P2RY14: variants seen among roughly 807,000 people sequenced by gnomAD.
The protein encoded by P2RY14 is purinergic receptor P2Y14.
In P2RY14, 2 loss-of-function variants were observed where a neutral mutation model predicts 0.9. The ratio of observed to expected loss-of-function variants is 2.16; its 90% confidence interval spans 0.88 to 6.79. The LOEUF (loss-of-function observed/expected upper bound fraction) is 6.79, where lower values mean the gene tolerates loss of function less well. Ranked by LOEUF, P2RY14 falls within the 30% of genes most tolerant of loss-of-function variation. The pLI is 0.05. For missense variants in P2RY14, 378 were observed against 400.1 expected (o/e 0.94, Z 0.47); for synonymous variants, 158 against 147.2 (o/e 1.07, Z -0.53).
At chr3:151,271,370 GAAAT>G (rs1740912941) in intron 1 of P2RY14, among the ~76,000 whole-genome samples, 1 of 152,176 alleles carries the variant, frequency 6.6e-6, no homozygotes, top group African/African-American at 2.4e-5. Context: ...AATTGACGAG[GAAAT>G]AGAATAATTG....
intron 1 of P2RY14, among the ~76,000 whole-genome samples, chr3:151,252,316 G>A (rs2141631): frequency 0.88 from 134,540 of 152,234 alleles, 59,625 homozygotes; most frequent in African/African-American, 0.96. Flanking sequence ...CCATTATTGG[G>A]ACACTAAGCT....
chr3:151,270,315 G>A (rs1314620756), intron 1 of P2RY14, among the ~76,000 whole-genome samples: 1 of 150,880 alleles, frequency 6.6e-6, no homozygotes, highest in East Asian at 2.0e-4. Context: ...CTTATTTGGG[G>A]GGAAAATAAC....
chr3:151,261,850 G>A (rs1357372996), intron 1 of P2RY14, among the ~76,000 whole-genome samples: 12 of 152,054 alleles, frequency 7.9e-5, no homozygotes, highest in Middle Eastern at 3.4e-3. Flanking sequence ...TCAGCCTCCC[G>A]AGTAGCTGGG....
At position 151,214,187 on chromosome 3, in the gene P2RY14, C is replaced by G; in HGVS notation, c.130G>C (p.Gly44Arg). The G allele has an allele frequency of 6.2e-7, 1 of 1,614,110 alleles. No homozygotes were observed. Among genetic ancestry groups the G allele is most frequent in the Non-Finnish European group, 8.5e-7 (1 of 1,179,976 alleles). ...CTGGGCACGTAAAAGAATATCCATC[C>G]TGACACTCCATTGAGTAGGATTCCT... ...IAGILLNGVS[G>R]WIFFYVPSSK... Residue 44 changes from glycine to arginine, a missense_variant, in exon 3 of 3, where the codon GGA (glycine) becomes CGA (arginine). By Grantham distance (125) the Gly-to-Arg change is moderately radical. Coordinates refer to ENST00000309170, the MANE Select transcript of P2RY14 (RefSeq NM_014879.4).
In P2RY14 at chr3:151,213,274, G is replaced by C. The variant is rs761607568; in HGVS notation, c.*26C>G. 4 of 1,538,294 alleles carry C rather than the reference G, an allele frequency of 2.6e-6. No individual in the cohort carries two copies. The East Asian group carries it at 9.0e-5, about 35-fold the overall frequency. ...TTGAAGATGACAACATGCACACGTG[G>C]TCTTTCTTTGGAAGAGGGTAGGAAC... On this transcript the variant is annotated 3_prime_UTR_variant, in exon 3 of 3. Transcript: ENST00000309170.
At chr3:151,228,679 G>A (rs1411187409) in intron 1 of P2RY14, among the ~76,000 whole-genome samples, 1 of 152,170 alleles carries the variant, frequency 6.6e-6, no homozygotes, top group Non-Finnish European at 1.5e-5. Context: ...ATGAAGTCCA[G>A]AGTGTTTCAG....
intron 1 of P2RY14, among the ~76,000 whole-genome samples, chr3:151,272,350 T>C (rs1741112414): frequency 6.6e-6 from 1 of 152,190 alleles, no homozygotes; most frequent in Non-Finnish European, 1.5e-5. Flanking sequence ...TAAATTGAAG[T>C]TGTTTTTCTA....
intron 1 of P2RY14, among the ~76,000 whole-genome samples, chr3:151,262,331 A>G (rs555835951): frequency 6.6e-6 from 1 of 152,342 alleles, no homozygotes; most frequent in South Asian, 2.1e-4. Context: ...TAGCATGAGT[A>G]GCCCTGGACT....
chr3:151,246,829 A>G (rs1735635387), intron 1 of P2RY14, among the ~76,000 whole-genome samples: 1 of 152,220 alleles, frequency 6.6e-6, no homozygotes, highest in South Asian at 2.1e-4. Context: ...CAGAGTGAAC[A>G]GGCAGCCTAC....
intron 2 of P2RY14, among the ~76,000 whole-genome samples, chr3:151,218,377 A>G (rs1046865608): frequency 3.9e-5 from 6 of 152,328 alleles, no homozygotes; most frequent in Admixed American, 1.3e-4. Context: ...ATAAGCAGGC[A>G]GTCTGGTGAG....
intron 1 of P2RY14, among the ~76,000 whole-genome samples, chr3:151,246,912 C>A (rs1478825334): frequency 6.6e-6 from 1 of 152,006 alleles, no homozygotes; most frequent in African/African-American, 2.4e-5. Flanking sequence ...TGAACTGAAA[C>A]AAATTTACAA....
At chr3:151,222,724 C>T (rs1427360152) in intron 1 of P2RY14, among the ~76,000 whole-genome samples, 1 of 152,186 alleles carries the variant, frequency 6.6e-6, no homozygotes, top group Admixed American at 6.5e-5. Context: ...ACTAATAAAG[C>T]ATGATATGCT....
chr3:151,234,872 C>G (rs1559914371), intron 1 of P2RY14, among the ~76,000 whole-genome samples: 1 of 152,196 alleles, frequency 6.6e-6, no homozygotes, highest in Non-Finnish European at 1.5e-5. Context: ...TAGCAGAAGC[C>G]TATCCTCAGC....
intron 1 of P2RY14, among the ~76,000 whole-genome samples, chr3:151,228,235 G>A (rs1346707100): frequency 6.6e-6 from 1 of 152,130 alleles, no homozygotes; most frequent in Non-Finnish European, 1.5e-5. Context: ...CTACATGTAT[G>A]GCGCTAGAAT....
At chr3:151,242,420 G>C (rs920306937) in intron 1 of P2RY14, among the ~76,000 whole-genome samples, 13 of 152,214 alleles carry the variant, frequency 8.5e-5, no homozygotes, top group Non-Finnish European at 1.3e-4. Flanking sequence ...CACGCAGCTG[G>C]AGATCTGAGA....
chr3:151,232,381 A>G (rs1272710878), intron 1 of P2RY14, among the ~76,000 whole-genome samples: 1 of 152,172 alleles, frequency 6.6e-6, no homozygotes, highest in East Asian at 1.9e-4. Flanking sequence ...AACGATAGCC[A>G]TTCTGATTGG....
chr3:151,266,714 C>CT (rs1472236339), intron 1 of P2RY14, among the ~76,000 whole-genome samples: 1 of 152,146 alleles, frequency 6.6e-6, no homozygotes, highest in Non-Finnish European at 1.5e-5. Context: ...AGCTTTGGGA[C>CT]TTGGTGGCTT....
intron 1 of P2RY14, among the ~76,000 whole-genome samples, chr3:151,224,790 C>A (rs9817216): frequency 0.12 from 18,963 of 152,124 alleles, 1,292 homozygotes; most frequent in Middle Eastern, 0.17. Flanking sequence ...ATCCTATTTC[C>A]TGACCCTCTT....
chr3:151,254,896 G>A (rs1363833046), intron 1 of P2RY14, among the ~76,000 whole-genome samples: 11 of 152,146 alleles, frequency 7.2e-5, no homozygotes, highest in Admixed American at 6.5e-4. Flanking sequence ...CCAAAACTGT[G>A]TTTTTCATTC....
Sources: allele counts gnomAD v4.1 joint callset (sites outside exome capture counted in the v4.1 genomes callset), GRCh38; gene constraint gnomAD v4.1.1; transcripts MANE v1.5; gene names NCBI Gene and HGNC (gene_info 2026-07-23, HGNC 2026-07-21).